Variants in NKTR observed in about 807,000 individuals in gnomAD.
NKTR encodes the protein natural killer cell triggering receptor, also known as NK-tumor recognition protein.
In NKTR, 67 loss-of-function variants were observed where a neutral mutation model predicts 156.3. The observed-to-expected ratio is 0.43, with a 90% CI of 0.35 to 0.53. The LOEUF (loss-of-function observed/expected upper bound fraction) is 0.53, where lower values mean the gene tolerates loss of function less well. Ranked by LOEUF, NKTR falls within the 20% of genes least tolerant of loss-of-function variation. The pLI is 0.01. For missense variants in NKTR, 1,604 were observed against 1,730.9 expected (o/e 0.93, Z 1.30); for synonymous variants, 640 against 596.6 (o/e 1.07, Z -1.06).
chr3:42,637,113 C>T lies in NKTR; in HGVS notation c.1409C>T (p.Ser470Phe). The T allele has an allele frequency of 6.2e-7, 1 of 1,607,270 alleles. No homozygotes were observed. Among genetic ancestry groups the T allele is most frequent in the Non-Finnish European group, 8.5e-7 (1 of 1,178,064 alleles). ...CCGTCTGACATAGAATCCTCAAAATCTTCCACTCGAAGAATGAAATCCTCT... is the reference window on the plus strand; with the variant it reads ...CCGTCTGACATAGAATCCTCAAAATTTTCCACTCGAAGAATGAAATCCTCT... The part of the protein sequence containing the change: ...LIPSDIESSK[S>F]STRRMKSSCD... Residue 470 changes from serine (S) to phenylalanine (F), a missense_variant, in exon 13 of 17, where the codon TCT (serine) becomes TTT (phenylalanine). Coordinates refer to ENST00000232978, the MANE Select transcript of NKTR (RefSeq NM_005385.4).
At chr3:42,633,828 C>A in intron 10 of NKTR, 93 bp downstream of exon 10, 1 of 1,381,470 alleles carries the variant, frequency 7.2e-7, no homozygotes, top group Non-Finnish European at 1.0e-6. Context: ...GGAACATGAT[C>A]CATGTTTGAA....
chr3:42,617,550 TC>T lies in NKTR; in HGVS notation c.59-18del, dbSNP rs776363646. On this transcript the variant is annotated intron_variant, in intron 2 of 16. Transcript: ENST00000232978. ...ATATTTAACTTGCTTACTATTTTTT[TC>T]CTATGTATTTTATTTCAGTTGGTCG... 1.1e-5 allele frequency: 15 copies of T among 1,396,692 alleles called. No individual in the cohort carries two copies. In the South Asian group the frequency reaches 1.6e-4, roughly 15 times the overall value. The allele number at this position is 1,396,692 out of a possible 1,614,324, so 86.5% of individuals were successfully genotyped here.
At chr3:42,630,483 C>T (rs1708792733) in intron 6 of NKTR, 63 bp from the exon 7 acceptor site, 1 of 1,607,718 alleles carries the variant, frequency 6.2e-7, no homozygotes, top group Non-Finnish European at 8.5e-7. Context: ...TTAAACCTTT[C>T]TGCTCTCTTC....
rs371760266 is a variant in NKTR, at chr3:42,638,255, C to T, written c.2551C>T (p.Arg851Trp). Reference sequence around the variant, plus strand: ...AGGTGAAGAAAAATCCAAGTCTGAACGGGAATGCCCTCATTCAAAAAAAAG... The same window carrying T: ...AGGTGAAGAAAAATCCAAGTCTGAATGGGAATGCCCTCATTCAAAAAAAAG... The part of the protein sequence containing the change: ...NRGEEKSKSE[R>W]ECPHSKKRTL... Residue 851 changes from arginine to tryptophan, a missense_variant, in exon 13 of 17, where the codon CGG (arginine) becomes TGG (tryptophan). Physicochemically the swap from Arg to Trp is moderately radical, Grantham distance 101. Coordinates refer to ENST00000232978, the MANE Select transcript of NKTR (RefSeq NM_005385.4). 8 of 1,609,908 alleles carry T rather than the reference C, an allele frequency of 5.0e-6. No homozygotes were observed. Among genetic ancestry groups the T allele is most frequent in the South Asian group, 2.2e-5 (2 of 90,294 alleles).
intron 9 of NKTR, chr3:42,633,355 A>C (rs1709086044): frequency 5.4e-6 from 7 of 1,301,744 alleles, no homozygotes; most frequent in African/African-American, 1.5e-5. Context: ...TGGAACTCTT[A>C]AAATAAAAAA....
At position 42,637,317 on chromosome 3, in the gene NKTR, C is replaced by G; in HGVS notation, c.1613C>G (p.Ala538Gly). The G allele has an allele frequency of 1.9e-6, 3 of 1,614,082 alleles. No individual in the cohort carries two copies. The highest frequency in any genetic ancestry group is 8.5e-7 in the Non-Finnish European group (1 of 1,179,986). ...AGAGGAAGCTCAAGATCAAGGACTG[C>G]GTCAAAGTCCTCATCACATTCTCGA... ...YSRGSSRSRT[A>G]SKSSSHSRSR... The change falls in exon 13 of 17, where the codon GCG becomes GGG. Residue 538 changes from alanine to glycine, a missense_variant. Physicochemically the swap from Ala to Gly is moderately conservative, Grantham distance 60. This residue lies in a region of NKTR where 1,255 missense variants were observed against 1,243.7 expected (regional missense o/e 1.01). Coordinates refer to ENST00000232978, the MANE Select transcript of NKTR (RefSeq NM_005385.4).
chr3:42,611,457 T>G (rs1190690419), intron 2 of NKTR, among the ~76,000 whole-genome samples: 3 of 152,054 alleles, frequency 2.0e-5, no homozygotes, highest in African/African-American at 4.8e-5. Flanking sequence ...CTTAAACCCT[T>G]GGCTGGGCAT....
chr3:42,631,735 C>T (rs1432476949), intron 8 of NKTR, among the ~76,000 whole-genome samples: 1 of 152,178 alleles, frequency 6.6e-6, no homozygotes, highest in African/African-American at 2.4e-5. Flanking sequence ...GGACTCCCAT[C>T]TTCAATCATC....
chr3:42,601,652 T>A (rs954967663), intron 2 of NKTR: 2 of 152,210 alleles, frequency 1.3e-5, no homozygotes, highest in Admixed American at 6.5e-5. Context: ...ATCCAGACAT[T>A]TGTTAGTGTA....
Position 42,637,753 on chromosome 3 carries a change from TAGA to T in NKTR, c.2052_2054del (p.Arg684del), listed in dbSNP as rs760084542. On this transcript the variant is annotated inframe_deletion, in exon 13 of 17. Coordinates refer to ENST00000232978, the MANE Select transcript of NKTR (RefSeq NM_005385.4). ...AGAGCACTTATTCAAAATACAGTGA[TAGA>T]AGTTCAGAAAGCTCACCAAGGTCAA... The T allele has an allele frequency of 6.2e-7, 1 of 1,613,848 alleles. No individual in the cohort carries two copies. The highest frequency in any genetic ancestry group is 1.1e-5 in the South Asian group (1 of 90,976).
chr3:42,642,912 T>C (rs1710017994), intron 14 of NKTR, among the ~76,000 whole-genome samples: 1 of 152,156 alleles, frequency 6.6e-6, no homozygotes, highest in Non-Finnish European at 1.5e-5. Flanking sequence ...GGTTAGAGAT[T>C]GGGATAGGAA....
At chr3:42,604,080 C>T (rs771851477) in intron 2 of NKTR, among the ~76,000 whole-genome samples, 2 of 152,048 alleles carry the variant, frequency 1.3e-5, no homozygotes, top group Non-Finnish European at 1.5e-5. Flanking sequence ...TCTAAGTTGT[C>T]AAGTTTATGT....
chr3:42,647,996 C>G lies in NKTR; in HGVS notation c.*2021C>G, dbSNP rs1330141512. On this transcript the variant is annotated 3_prime_UTR_variant, in exon 17 of 17. Coordinates refer to ENST00000232978, the MANE Select transcript of NKTR (RefSeq NM_005385.4). Reference sequence around the variant, plus strand: ...CTGGGGAAGAATCTGCTTCTAAGTTCATTCAGGTTGTTGGCGGAATTCAGT... The same window carrying G: ...CTGGGGAAGAATCTGCTTCTAAGTTGATTCAGGTTGTTGGCGGAATTCAGT... 1 of 152,184 alleles carries G rather than the reference C, an allele frequency of 6.6e-6. No individual in the cohort carries two copies. Among genetic ancestry groups the G allele is most frequent in the African/African-American group, 2.4e-5 (1 of 41,446 alleles). 9.4% of individuals were successfully genotyped at this position (152,184 alleles called of 1,614,324 possible).
chr3:42,604,112 C>T (rs1038303282), intron 2 of NKTR, among the ~76,000 whole-genome samples: 1 of 152,142 alleles, frequency 6.6e-6, no homozygotes, highest in African/African-American at 2.4e-5. Flanking sequence ...TTTGTCACAG[C>T]CTCTTTTAAT....
chr3:42,635,071 A>G lies in NKTR; in HGVS notation c.1018-150A>G. 4.1e-6 allele frequency: 2 copies of G among 484,022 alleles called. 1 individual carries two copies. Among genetic ancestry groups the G allele is most frequent in the Non-Finnish European group, 6.9e-6 (2 of 291,960 alleles). The allele number at this position is 484,022 out of a possible 1,614,324, so 30.0% of individuals were successfully genotyped here. ...AAGTTAAAAACTAAAAAAAAAAAAA[A>G]AAAAAAAGAACTTTAGACCATCCTT... On this transcript the variant is annotated intron_variant, in intron 11 of 16. Transcript: ENST00000232978.
At position 42,646,047 on chromosome 3, in the gene NKTR, C is replaced by T. The variant is rs559634051; in HGVS notation, c.*72C>T. 1.8e-6 allele frequency: 2 copies of T among 1,095,998 alleles called. No homozygotes were observed. The highest frequency in any genetic ancestry group is 2.7e-5 in the South Asian group (2 of 74,094). The allele number at this position is 1,095,998 out of a possible 1,614,324, so 67.9% of individuals were successfully genotyped here. The stretch of plus-strand genomic sequence containing the variant: ...TTAGCTTAAGAAATGTAATGACAGT[C>T]TGTTGTTCTATTTCAATATCAGAGG... On this transcript the variant is annotated 3_prime_UTR_variant, in exon 17 of 17. Coordinates refer to ENST00000232978, the MANE Select transcript of NKTR (RefSeq NM_005385.4).
chr3:42,628,166 T>G, intron 6 of NKTR: 1 of 985,274 alleles, frequency 1.0e-6, no homozygotes, highest in Non-Finnish European at 1.2e-6. Context: ...CCAATTAAAG[T>G]GCAGACTTAT....
chr3:42,647,189 G>T lies in NKTR; in HGVS notation c.*1214G>T, dbSNP rs1710392594. On this transcript the variant is annotated 3_prime_UTR_variant, in exon 17 of 17. Coordinates refer to ENST00000232978, the MANE Select transcript of NKTR (RefSeq NM_005385.4). ...CAGGTGCAAGAGACAGGGGAAGAGG[G>T]ATAGAGGGTATAGCATAAATTACAT... is the stretch of plus-strand genomic sequence containing the variant. 1 of 151,746 alleles carries T rather than the reference G, an allele frequency of 6.6e-6. No individual in the cohort carries two copies. Among genetic ancestry groups the T allele is most frequent in the South Asian group, 2.1e-4 (1 of 4,816 alleles). The allele number at this position is 151,746 out of a possible 1,614,324, so 9.4% of individuals were successfully genotyped here.
At chr3:42,633,527 A>G in intron 9 of NKTR, 53 bp from the exon 10 acceptor site, 1 of 1,567,152 alleles carries the variant, frequency 6.4e-7, no homozygotes, top group Non-Finnish European at 8.6e-7. Flanking sequence ...ATGTGCTTTT[A>G]TTATGAAATG....
Sources: allele counts gnomAD v4.1 joint callset (sites outside exome capture counted in the v4.1 genomes callset), GRCh38; gene constraint gnomAD v4.1.1; regional missense constraint gnomAD v4.1.1; transcripts MANE v1.5; gene names NCBI Gene and HGNC (gene_info 2026-07-23, HGNC 2026-07-21).